OGFOD2: variants seen among roughly 807,000 people sequenced by gnomAD.
The protein encoded by OGFOD2 is 2-oxoglutarate and iron-dependent oxygenase domain-containing protein 2.
A neutral mutation model predicts 31.1 loss-of-function variants in OGFOD2; 34 were observed. The observed-to-expected ratio is 1.09, with a 90% CI of 0.83 to 1.45. OGFOD2 has a LOEUF of 1.45. Among genes scored for constraint, OGFOD2 ranks in the 40% most tolerant of loss-of-function variants. The pLI is 0.00. For synonymous variants in OGFOD2, 240 were observed against 192.3 expected (o/e 1.25, Z -2.05); for missense variants, 537 against 433.9 (o/e 1.24, Z -2.11).
In OGFOD2 at chr12:122,979,069, C is replaced by T. The variant is rs372329940; in HGVS notation, c.790-14C>T. The T allele has an allele frequency of 8.1e-6, 13 of 1,597,592 alleles. No homozygotes were observed. The highest frequency in any genetic ancestry group is 6.7e-5 in the African/African-American group (5 of 74,622). ...CAGCTGTGAGTGCCCAGGCCTGAGTCGTGCCATCTGCAGGCACCCACAGCC... is the reference window on the plus strand; with the variant it reads ...CAGCTGTGAGTGCCCAGGCCTGAGTTGTGCCATCTGCAGGCACCCACAGCC... On this transcript the variant is annotated splice_polypyrimidine_tract_variant and intron_variant, in intron 6 of 6. Transcript: ENST00000228922.
intron 4 of OGFOD2, 132 bp from the exon 5 acceptor site, chr12:122,978,310 A>G: frequency 8.9e-7 from 1 of 1,125,872 alleles, no homozygotes; most frequent in Non-Finnish European, 1.3e-6. Flanking sequence ...TTACTTCCTT[A>G]AGTCATCACA....
At chr12:122,977,225 T>C (rs1358633248) in intron 4 of OGFOD2, 1 of 508,692 alleles carries the variant, frequency 2.0e-6, no homozygotes, top group Non-Finnish European at 3.7e-6. Context: ...ATAGTGGATA[T>C]TTGTGTCATG....
intron 2 of OGFOD2, 66 bp from the exon 3 acceptor site, chr12:122,976,588 T>G (rs1566210194): frequency 7.4e-7 from 1 of 1,343,792 alleles, no homozygotes; most frequent in Non-Finnish European, 1.1e-6. Context: ...CTTCAGTTTC[T>G]TCATCTGTAC....
Position 122,979,012 on chromosome 12 carries a change from T to A in OGFOD2, c.789+2T>A, listed in dbSNP as rs1202097512. ...CTGTATTTTGGGGGCCTCTTCCAGG[T>A]GAGTGTGTGACCCATGCGGCAGGGC... is the stretch of plus-strand genomic sequence containing the variant. On this transcript the variant is annotated splice_donor_variant, in intron 6 of 6. Coordinates refer to ENST00000228922, the Ensembl canonical transcript of OGFOD2. LOFTEE classifies it high-confidence loss of function. The A allele has an allele frequency of 1.2e-5, 20 of 1,612,230 alleles. No homozygotes were observed. The highest frequency in any genetic ancestry group is 1.6e-5 in the Non-Finnish European group (19 of 1,179,558).
chr12:122,976,780 C>T lies in OGFOD2; in HGVS notation c.303+13C>T. The T allele has an allele frequency of 2.5e-6, 4 of 1,609,316 alleles. No homozygotes were observed. Among genetic ancestry groups the T allele is most frequent in the Non-Finnish European group, 3.4e-6 (4 of 1,176,296 alleles). On this transcript the variant is annotated intron_variant, in intron 3 of 6. Transcript: ENST00000228922. The stretch of plus-strand genomic sequence containing the variant: ...CGACTCACTGCAGGTACCAGCCAGC[C>T]AGAGTGCTTGAAGGCCGGTACTGGA...
intron 1 of OGFOD2, 29 bp from the exon 2 acceptor site, chr12:122,975,782 G>T: frequency 1.4e-6 from 1 of 702,382 alleles, no homozygotes; most frequent in Non-Finnish European, 2.6e-6. Context: ...AGGTCATACA[G>T]TCATGCTCAG....
At chr12:122,976,727 C>A (rs750415092) in exon 3 of OGFOD2, 1 of 1,613,864 alleles carries the variant, frequency 6.2e-7, no homozygotes, top group East Asian at 2.2e-5. Context: ...ATCGCGAGTT[C>A]CTACCACCCG....
chr12:122,975,057 C>T, upstream of OGFOD2: 2 of 466,930 alleles, frequency 4.3e-6, no homozygotes. Context: ...GGAGGCGGAA[C>T]GAGGAGGCCG....
In OGFOD2 at chr12:122,979,027, T is replaced by C; in HGVS notation, c.789+17T>C. On this transcript the variant is annotated intron_variant, in intron 6 of 6. Transcript: ENST00000228922. Reference sequence around the variant, plus strand: ...CTCTTCCAGGTGAGTGTGTGACCCATGCGGCAGGGCCTGGGGCAGCTGTGA... The same window carrying C: ...CTCTTCCAGGTGAGTGTGTGACCCACGCGGCAGGGCCTGGGGCAGCTGTGA... 1.2e-6 allele frequency: 2 copies of C among 1,609,440 alleles called. No individual in the cohort carries two copies. Among genetic ancestry groups the C allele is most frequent in the Non-Finnish European group, 1.7e-6 (2 of 1,177,226 alleles).
At chr12:122,979,626 G>C in exon 7 of OGFOD2, 1 of 488,032 alleles carries the variant, frequency 2.0e-6, no homozygotes. Context: ...CTGGCCCCAC[G>C]GAGAGCTCCA....
At chr12:122,978,297 A>C in intron 4 of OGFOD2, 145 bp from the exon 5 acceptor site, 1 of 999,640 alleles carries the variant, frequency 1.0e-6, no homozygotes, top group Non-Finnish European at 1.5e-6. Flanking sequence ...CCTGCTCCTC[A>C]TGTTACTTCC....
chr12:122,975,630 T>C, intron 1 of OGFOD2, 181 bp from the exon 2 acceptor site: 1 of 605,870 alleles, frequency 1.7e-6, no homozygotes, highest in Non-Finnish European at 3.0e-6. Flanking sequence ...GCTTGCCGCC[T>C]CACAGCAACA....
chr12:122,979,509 G>C, exon 7 of OGFOD2: 1 of 922,404 alleles, frequency 1.1e-6, no homozygotes, highest in Non-Finnish European at 1.6e-6. Context: ...GTTCAGGTTT[G>C]TCAGAAGCAG....
chr12:122,976,890 A>G (rs773010640), exon 4 of OGFOD2: 4 of 1,608,024 alleles, frequency 2.5e-6, no homozygotes, highest in Non-Finnish European at 2.6e-6. Flanking sequence ...CTGGCCCCCG[A>G]GTTCCTGGCC....
At chr12:122,978,600 G>A (rs561416738) in intron 5 of OGFOD2, 31 bp downstream of exon 5, 2 of 1,605,014 alleles carry the variant, frequency 1.2e-6, no homozygotes, top group Non-Finnish European at 1.7e-6. Context: ...GGCAGAGGAG[G>A]GGGTGGCTGG....
chr12:122,976,760 C>T (rs763824613), exon 3 of OGFOD2: 21 of 1,612,776 alleles, frequency 1.3e-5, no homozygotes, highest in Non-Finnish European at 1.6e-5. Context: ...GTCTACGACT[C>T]ACTGCAGGTA....
chr12:122,975,206 C>T, upstream of OGFOD2: 1 of 564,660 alleles, frequency 1.8e-6, no homozygotes, highest in East Asian at 2.9e-5. Flanking sequence ...TGGGGGCGTG[C>T]CCGAAGTCTC....
intron 2 of OGFOD2, 154 bp downstream of exon 2, chr12:122,976,021 C>T: frequency 3.2e-6 from 2 of 619,422 alleles, no homozygotes; most frequent in Non-Finnish European, 5.9e-6. Flanking sequence ...CCCTCCACAC[C>T]TGAGTCTTGG....
chr12:122,978,609 G>A (rs1480830412), intron 5 of OGFOD2, 40 bp downstream of exon 5: 1 of 1,602,480 alleles, frequency 6.2e-7, no homozygotes, highest in Admixed American at 1.7e-5. Flanking sequence ...GGGGGTGGCT[G>A]GGGTCAGGAG....
Sources: allele counts gnomAD v4.1 joint callset, GRCh38; gene constraint gnomAD v4.1.1; transcripts MANE v1.5; gene names NCBI Gene and HGNC (gene_info 2026-07-23, HGNC 2026-07-21).